VPS50: variants seen among roughly 807,000 people sequenced by gnomAD.
VPS50 encodes the protein VPS50 subunit of EARP/GARPII complex, also known as syndetin.
In VPS50, 70 loss-of-function variants were observed where a neutral mutation model predicts 139.7. The observed-to-expected ratio is 0.50, with a 90% CI of 0.41 to 0.61. VPS50 has a LOEUF of 0.61. Ranked by LOEUF, VPS50 falls within the 20% of genes least tolerant of loss-of-function variation. VPS50 has a pLI of 0.00. For missense variants in VPS50, 921 were observed against 1,133.7 expected (o/e 0.81, Z 2.69); for synonymous variants, 365 against 376.7 (o/e 0.97, Z 0.36).
intron 16 of VPS50, among the ~76,000 whole-genome samples, chr7:93,297,769 G>C (rs1171428109): frequency 1.3e-5 from 2 of 152,152 alleles, no homozygotes; most frequent in African/African-American, 4.8e-5. Context: ...GGTTTGGGTA[G>C]TGGAGGAAGG....
chr7:93,349,914 T>C lies in VPS50; in HGVS notation c.2344T>C (p.Trp782Arg). The C allele has an allele frequency of 6.2e-7, 1 of 1,613,504 alleles. No homozygotes were observed. The part of the protein sequence containing the change: ...TASELRKPIY[W>R]IVAGKALDYE... ...CAGTGAACTACGGAAACCAATTTAC[T>C]GGATTGTAGCTGGTAAAGCCCTTGA... The change falls in exon 25 of 28, where the codon TGG (tryptophan) becomes CGG (arginine). Residue 782 changes from tryptophan (W) to arginine (R), a missense_variant. Physicochemically the swap from Trp to Arg is moderately radical, Grantham distance 101 (BLOSUM62 -3). Coordinates refer to ENST00000305866, the MANE Select transcript of VPS50 (RefSeq NM_017667.4).
At chr7:93,242,200 G>A (rs1181869202) in intron 2 of VPS50, among the ~76,000 whole-genome samples, 1 of 151,638 alleles carries the variant, frequency 6.6e-6, no homozygotes, top group Non-Finnish European at 1.5e-5. Flanking sequence ...TACTTTCTAG[G>A]GATTGGCAGT....
rs1796834996 is a variant in VPS50 at position 93,297,149 on chromosome 7, A to T, written c.1267A>T (p.Met423Leu). The change falls in exon 16 of 28, where the codon ATG becomes TTG. Residue 423 changes from methionine (M) to leucine (L), a missense_variant. By Grantham distance (15) the Met-to-Leu change is conservative. Coordinates refer to ENST00000305866, the MANE Select transcript of VPS50 (RefSeq NM_017667.4). ...GAAACCTTTTTATCCAACTAGGTTG[A>T]TGCAAGTTGGAGAAGAATTTTGTGG... ...IFVLDIISRL[M>L]QVGEEFCGSK... 1 of 1,563,178 alleles carries T rather than the reference A, an allele frequency of 6.4e-7. No homozygotes were observed. Among genetic ancestry groups the T allele is most frequent in the Non-Finnish European group, 8.6e-7 (1 of 1,164,088 alleles).
intron 1 of VPS50, 88 bp downstream of exon 1, chr7:93,232,588 G>C (rs1219331653): frequency 8.2e-7 from 1 of 1,222,542 alleles, no homozygotes; most frequent in African/African-American, 1.5e-5. Context: ...TGGCGGGCGG[G>C]GATCTAAGTT....
intron 2 of VPS50, among the ~76,000 whole-genome samples, chr7:93,248,409 T>C (rs1405557641): frequency 6.6e-6 from 1 of 152,090 alleles, no homozygotes; most frequent in Non-Finnish European, 1.5e-5. Flanking sequence ...CAGTTTCTAT[T>C]AAATTATGTA....
intron 12 of VPS50, among the ~76,000 whole-genome samples, chr7:93,284,117 T>C (rs1554365859): frequency 6.6e-6 from 1 of 151,990 alleles, no homozygotes; most frequent in African/African-American, 2.4e-5. Context: ...GGATTGGAGA[T>C]AAAAAAGAGC....
intron 23 of VPS50, among the ~76,000 whole-genome samples, chr7:93,345,881 G>A (rs1798378330): frequency 6.6e-6 from 1 of 152,090 alleles, no homozygotes; most frequent in Non-Finnish European, 1.5e-5. Context: ...ATACTGAATG[G>A]GCAAAAACTG....
intron 20 of VPS50, among the ~76,000 whole-genome samples, chr7:93,317,529 C>G (rs1046247791): frequency 6.6e-5 from 10 of 152,174 alleles, no homozygotes; most frequent in Non-Finnish European, 1.0e-4. Context: ...TGCATTCCAG[C>G]CTGGGTGACA....
Position 93,353,736 on chromosome 7 carries a change from T to C in VPS50, c.2560T>C (p.Leu854=), listed in dbSNP as rs760908920. ...TATACTTTGGGAACATTGTATACGA[T>C]TGGCTAATCGAACTATTGTAGAAGG... ...SNILWEHCIR[L]ANRTIVEGYA... The change falls in exon 26 of 28, where the codon TTG becomes CTG. Residue 854 remains leucine (L), a synonymous_variant. Coordinates refer to ENST00000305866, the MANE Select transcript of VPS50 (RefSeq NM_017667.4). 1 of 1,610,730 alleles carries C rather than the reference T, an allele frequency of 6.2e-7. No individual in the cohort carries two copies. Among genetic ancestry groups the C allele is most frequent in the Non-Finnish European group, 8.5e-7 (1 of 1,178,082 alleles).
chr7:93,345,455 G>C (rs1260312192), intron 23 of VPS50, among the ~76,000 whole-genome samples: 3 of 152,188 alleles, frequency 2.0e-5, no homozygotes, highest in Non-Finnish European at 4.4e-5. Context: ...TAGAAAAAGA[G>C]GGAATCCTCC....
intron 23 of VPS50, among the ~76,000 whole-genome samples, chr7:93,345,841 G>T (rs1323162471): frequency 2.0e-5 from 3 of 152,114 alleles, no homozygotes; most frequent in Non-Finnish European, 4.4e-5. Flanking sequence ...AATAATAAGA[G>T]CTATCTATGA....
intron 12 of VPS50, among the ~76,000 whole-genome samples, chr7:93,280,081 C>T (rs1796277308): frequency 6.6e-6 from 1 of 152,080 alleles, no homozygotes; most frequent in South Asian, 2.1e-4. Context: ...TTCTTAAGGC[C>T]AGCAGCATCC....
chr7:93,271,284 C>T, intron 10 of VPS50, 22 bp downstream of exon 10: 3 of 1,520,236 alleles, frequency 2.0e-6, no homozygotes, highest in Non-Finnish European at 2.6e-6. Context: ...TATATCCTAA[C>T]CTTAATGAGT....
chr7:93,314,931 A>C (rs1797380684), intron 20 of VPS50, among the ~76,000 whole-genome samples: 1 of 152,034 alleles, frequency 6.6e-6, no homozygotes, highest in South Asian at 2.1e-4. Flanking sequence ...GAGCATTTTA[A>C]ATTGAAAGGT....
At chr7:93,247,875 T>C (rs73712820) in intron 2 of VPS50, among the ~76,000 whole-genome samples, 22 of 152,132 alleles carry the variant, frequency 1.4e-4, no homozygotes, top group African/African-American at 5.3e-4. Flanking sequence ...CTTTTATGCT[T>C]TTGTTTTCTC....
intron 23 of VPS50, among the ~76,000 whole-genome samples, chr7:93,343,991 A>C (rs1798307371): frequency 6.6e-6 from 1 of 152,304 alleles, no homozygotes; most frequent in South Asian, 2.1e-4. Context: ...ATTAACTTTA[A>C]ATGTAAATGG....
chr7:93,329,192 TAAAAC>T (rs1369846405), intron 21 of VPS50, among the ~76,000 whole-genome samples: 2 of 152,256 alleles, frequency 1.3e-5, no homozygotes, highest in East Asian at 3.9e-4. Flanking sequence ...TTCAATGAAT[TAAAAC>T]AAAATATATT....
chr7:93,258,309 G>C (rs751809989), intron 7 of VPS50, 33 bp downstream of exon 7: 1 of 1,598,316 alleles, frequency 6.3e-7, no homozygotes, highest in South Asian at 1.1e-5. Context: ...AATTAAAACT[G>C]AATTTTGTGG....
intron 2 of VPS50, among the ~76,000 whole-genome samples, chr7:93,250,898 C>G (rs562576787): frequency 1.3e-5 from 2 of 152,160 alleles, no homozygotes; most frequent in Non-Finnish European, 2.9e-5. Flanking sequence ...ACAGACACTT[C>G]TCAAAAGAAG....
Sources: gnomAD v4.1 joint callset for allele counts (sites outside exome capture counted in the v4.1 genomes callset) on GRCh38, gnomAD v4.1.1 for gene constraint, MANE v1.5 for transcripts, NCBI Gene and HGNC (gene_info 2026-07-23, HGNC 2026-07-21) for gene names.